PALM2AKAP2: variants seen among roughly 807,000 people sequenced by gnomAD.
PALM2AKAP2 encodes the protein PALM2-AKAP2 fusion protein.
In PALM2AKAP2, 37 loss-of-function variants were observed where a neutral mutation model predicts 71.5. That is an observed-to-expected ratio of 0.52 (90% CI 0.40 to 0.68). The LOEUF is 0.68. PALM2AKAP2 is among the 30% of genes least tolerant of loss of function. PALM2AKAP2 has a pLI of 0.00. For missense variants in PALM2AKAP2, 1,224 were observed against 1,191.8 expected (o/e 1.03, Z -0.40); for synonymous variants, 468 against 478.8 (o/e 0.98, Z 0.29).
chr9:109,724,222 A>G (rs1828444533), intron 1 of PALM2AKAP2, among the ~76,000 whole-genome samples: 1 of 152,172 alleles, frequency 6.6e-6, no homozygotes, highest in Admixed American at 6.5e-5. Flanking sequence ...AAACTTAATA[A>G]AAGAATAAAA....
At chr9:109,679,693 G>A (rs1827697322) in intron 1 of PALM2AKAP2, among the ~76,000 whole-genome samples, 1 of 152,088 alleles carries the variant, frequency 6.6e-6, no homozygotes, top group Non-Finnish European at 1.5e-5. Context: ...TGTGAGCTCA[G>A]GGGTATGAGC....
At chr9:109,974,287 G>T (rs779157089) in intron 6 of PALM2AKAP2, among the ~76,000 whole-genome samples, 1 of 152,226 alleles carries the variant, frequency 6.6e-6, no homozygotes, top group Non-Finnish European at 1.5e-5. Context: ...GTTCAATGCC[G>T]ATGGGCATAT....
rs563361796 is a variant in PALM2AKAP2, at chr9:109,897,462, C to A, written c.257+16781C>A. Among the ~76,000 whole-genome samples the A allele has an allele frequency of 2.0e-5, 3 of 152,060 alleles. No individual in the cohort carries two copies. The South Asian group carries it at 6.3e-4, about 32-fold the overall frequency. ...GGGCATGGTGGCGGGTGCCTGTAAT[C>A]CCAGCTACTCGGGAGGCTGAGACAG... is the stretch of plus-strand genomic sequence containing the variant. On this transcript the variant is annotated intron_variant, in intron 3 of 9. Transcript: ENST00000302798.
At chr9:110,006,153 C>T (rs568204115) in intron 6 of PALM2AKAP2, among the ~76,000 whole-genome samples, 4 of 152,178 alleles carry the variant, frequency 2.6e-5, no homozygotes, top group East Asian at 3.9e-4. Flanking sequence ...TGTTCCTATT[C>T]GGCCATCTTG....
intron 3 of PALM2AKAP2, among the ~76,000 whole-genome samples, chr9:109,906,590 A>G (rs1411389255): frequency 6.6e-6 from 1 of 152,208 alleles, no homozygotes; most frequent in African/African-American, 2.4e-5. Context: ...AGTTGTCAAC[A>G]TCATTATACT....
chr9:109,920,021 A>G (rs62578148), intron 3 of PALM2AKAP2, among the ~76,000 whole-genome samples: 16,735 of 152,140 alleles, frequency 0.11, 1,237 homozygotes, highest in African/African-American at 0.2. Context: ...GTGCCTATCT[A>G]TGGGTTTGCC....
intron 1 of PALM2AKAP2, among the ~76,000 whole-genome samples, chr9:109,683,733 G>A (rs1013475082): frequency 5.3e-5 from 8 of 152,066 alleles, no homozygotes; most frequent in African/African-American, 1.9e-4. Flanking sequence ...TCATGTTCGT[G>A]TTCTTGCTCC....
intron 1 of PALM2AKAP2, 68 bp downstream of exon 1, chr9:109,780,601 G>A: frequency 4.4e-6 from 7 of 1,602,172 alleles, no homozygotes; most frequent in Non-Finnish European, 5.1e-6. Flanking sequence ...CGAGGGTTTC[G>A]GGGCAAGCGG....
In PALM2AKAP2 at chr9:110,090,415, C is replaced by T. The variant is rs537619792; in HGVS notation, c.156+41560C>T. Reference sequence around the variant, plus strand: ...ACCTGGATGCTGTTCTCTCTCTTCACGGTAGGTCTCAGTTACTTTTACTGT... The same window carrying T: ...ACCTGGATGCTGTTCTCTCTCTTCATGGTAGGTCTCAGTTACTTTTACTGT... On this transcript the variant is annotated intron_variant, in intron 1 of 3. Coordinates refer to ENST00000374525, the Ensembl canonical transcript of PALM2AKAP2. 2.0e-5 allele frequency: 9 copies of T among 456,696 alleles called. No individual in the cohort carries two copies. In the East Asian group the frequency reaches 3.5e-4, roughly 18 times the overall value. 28.3% of individuals were successfully genotyped at this position (456,696 alleles called of 1,614,324 possible). A position where few individuals can be genotyped will look rare whatever the true frequency, so the allele number is the denominator to read the frequency against.
At chr9:110,035,471 GAT>G (rs2132433533) in intron 7 of PALM2AKAP2, among the ~76,000 whole-genome samples, 1 of 141,962 alleles carries the variant, frequency 7.0e-6, no homozygotes, top group African/African-American at 2.6e-5. Context: ...GTATATATAT[GAT>G]ATGTTGTGTG....
chr9:110,014,851 T>TAC lies in PALM2AKAP2; in HGVS notation c.497-1091_497-1090dup, dbSNP rs1360117476. ...ATATATATATATATATATATATATATACACACACACACATATATCTTGCCA... is the reference window on the plus strand; with the variant it reads ...ATATATATATATATATATATATATATACACACACACACACATATATCTTGCCA... On this transcript the variant is annotated intron_variant, in intron 6 of 9. Transcript: ENST00000302798. Among the ~76,000 whole-genome samples, 702 of 89,308 alleles carry TAC rather than the reference T, an allele frequency of 7.9e-3. 10 individuals carry two copies. Among genetic ancestry groups the TAC allele is most frequent in the South Asian group, 0.027 (62 of 2,308 alleles). The allele number at this position is 89,308 out of a possible 152,430, so 58.6% of individuals were successfully genotyped here.
intron 6 of PALM2AKAP2, among the ~76,000 whole-genome samples, chr9:109,954,703 T>G (rs1831714786): frequency 6.7e-6 from 1 of 149,052 alleles, no homozygotes; most frequent in South Asian, 2.1e-4. Flanking sequence ...TGCAAGATCT[T>G]AAGTGATCAT....
At chr9:109,991,708 CT>C (rs1832485601) in intron 6 of PALM2AKAP2, among the ~76,000 whole-genome samples, 1 of 152,244 alleles carries the variant, frequency 6.6e-6, no homozygotes, top group African/African-American at 2.4e-5. Context: ...CAACGTAGCT[CT>C]GGTGGCCGCT....
At chr9:109,890,934 T>C (rs944196228) in intron 3 of PALM2AKAP2, among the ~76,000 whole-genome samples, 1 of 152,184 alleles carries the variant, frequency 6.6e-6, no homozygotes, top group Non-Finnish European at 1.5e-5. Flanking sequence ...TAGAGTCTTG[T>C]GTTTGTTCCT....
chr9:109,841,954 G>A (rs1232741591), intron 1 of PALM2AKAP2, among the ~76,000 whole-genome samples: 3 of 142,826 alleles, frequency 2.1e-5, no homozygotes, highest in Admixed American at 6.9e-5. Flanking sequence ...GGAAAGAGGG[G>A]AGGGTGAGGG....
At chr9:109,709,485 T>C (rs1401387653) in intron 1 of PALM2AKAP2, among the ~76,000 whole-genome samples, 1 of 152,180 alleles carries the variant, frequency 6.6e-6, no homozygotes. Context: ...CAACACTATC[T>C]TTTACCGTCT....
rs1421416280 is a variant in PALM2AKAP2 at position 109,773,445 on chromosome 9, CT to C, written c.6-7041del. On this transcript the variant is annotated intron_variant, in intron 1 of 6. Transcript: ENST00000374531. Reference sequence around the variant, plus strand: ...AGTCACTGCACCTGGCCTGCAACACCTTCTAAACATCTTCCCACCAACCAGT... The same window carrying C: ...AGTCACTGCACCTGGCCTGCAACACCTCTAAACATCTTCCCACCAACCAGT... Among the ~76,000 whole-genome samples the C allele has an allele frequency of 1.7e-4, 26 of 152,316 alleles. 2 individuals carry two copies. The South Asian group carries it at 5.4e-3, about 32-fold the overall frequency.
chr9:109,979,451 T>A (rs1832230361), intron 6 of PALM2AKAP2, among the ~76,000 whole-genome samples: 1 of 152,214 alleles, frequency 6.6e-6, no homozygotes, highest in Non-Finnish European at 1.5e-5. Context: ...CTTACCCCAC[T>A]GGGAATGTCA....
At chr9:109,646,549 A>G (rs1301688164) in intron 1 of PALM2AKAP2, among the ~76,000 whole-genome samples, 2 of 152,234 alleles carry the variant, frequency 1.3e-5, no homozygotes, top group African/African-American at 4.8e-5. Flanking sequence ...CTGAAGTTTG[A>G]TTCTGCAAAT....
Sources: allele counts gnomAD v4.1 joint callset (sites outside exome capture counted in the v4.1 genomes callset), GRCh38; gene constraint gnomAD v4.1.1; transcripts MANE v1.5; gene names NCBI Gene and HGNC (gene_info 2026-07-23, HGNC 2026-07-21).